SMIM22: variants seen among roughly 807,000 people sequenced by gnomAD.
SMIM22 encodes the protein small integral membrane protein 22.
Under a neutral mutation model 8.4 loss-of-function variants are expected in SMIM22, and 16 were observed. The ratio of observed to expected loss-of-function variants is 1.90; its 90% CI spans 1.29 to 2.89. The LOEUF (loss-of-function observed/expected upper bound fraction) is 2.89. Ranked by LOEUF, SMIM22 falls within the 30% of genes most tolerant of loss-of-function variation. The pLI is 0.00. For synonymous variants in SMIM22, 67 were observed against 47.6 expected, an observed-to-expected ratio of 1.41 and a Z score of -1.68; for missense variants, 159 against 107.5, an observed-to-expected ratio of 1.48 and a Z score of -2.12.
Position 4,795,769 on chromosome 16 carries a change from T to C in SMIM22, c.35T>C (p.Val12Ala), listed in dbSNP as rs1402108069. The change falls in exon 2 of 4, where the codon GTT becomes GCT. Residue 12 changes from valine to alanine, a missense_variant. Coordinates refer to ENST00000586005, the MANE Select transcript of SMIM22 (RefSeq NM_001253794.2). ...TCCACAGAGGAGCTGGAGGCCACGG[T>C]TCAGGAAGTCCTGGGGAGACTGAAG... Reference protein sequence around the residue: ...AVSTEELEATVQEVLGRLKSH... With the variant: ...AVSTEELEATAQEVLGRLKSH... The C allele has an allele frequency of 6.5e-7, 1 of 1,535,910 alleles. No homozygotes were observed. Among genetic ancestry groups the C allele is most frequent in the Admixed American group, 2.0e-5 (1 of 50,972 alleles).
At chr16:4,790,921 G>T (rs879356939), upstream of SMIM22, among the ~76,000 whole-genome samples, 1 of 152,248 alleles carries the variant, frequency 6.6e-6, no homozygotes, top group Non-Finnish European at 1.5e-5. Flanking sequence ...GTTGTCCAAG[G>T]TGAAATCTTG....
chr16:4,793,346 T>G (rs371735229), upstream of SMIM22, among the ~76,000 whole-genome samples: 1 of 152,170 alleles, frequency 6.6e-6, no homozygotes, highest in African/African-American at 2.4e-5. Flanking sequence ...TTTGTGTTGT[T>G]TGAAGCCACA....
intron 1 of SMIM22, 76 bp from the exon 2 acceptor site, chr16:4,795,639 G>C: frequency 6.8e-7 from 1 of 1,475,966 alleles, no homozygotes; most frequent in South Asian, 1.3e-5. Context: ...CAGTGGCTGG[G>C]CTGTGGGAAG....
upstream of SMIM22, among the ~76,000 whole-genome samples, chr16:4,792,946 C>T (rs1447111831): frequency 6.6e-6 from 1 of 151,324 alleles, no homozygotes; most frequent in Middle Eastern, 3.2e-3. Context: ...CCAGTCTCTA[C>T]TAAAATACAA....
upstream of SMIM22, among the ~76,000 whole-genome samples, chr16:4,793,822 G>A (rs539694966): frequency 1.3e-5 from 2 of 152,112 alleles, no homozygotes; most frequent in Non-Finnish European, 2.9e-5. Context: ...TGTCACCCAC[G>A]CTAGAGTGCA....
upstream of SMIM22, among the ~76,000 whole-genome samples, chr16:4,794,715 C>T (rs1372724737): frequency 6.6e-6 from 1 of 152,142 alleles, no homozygotes; most frequent in Non-Finnish European, 1.5e-5. Flanking sequence ...CCACTGCGCC[C>T]GGCCCAATTT....
chr16:4,791,120 C>G (rs77764288), upstream of SMIM22, among the ~76,000 whole-genome samples: 47 of 152,306 alleles, frequency 3.1e-4, no homozygotes, highest in Non-Finnish European at 6.2e-4. Flanking sequence ...AACACTTTCT[C>G]CAGGAAAATC....
At chr16:4,795,481 G>T (rs923452484) in intron 1 of SMIM22, 32 bp downstream of exon 1, 5 of 537,666 alleles carry the variant, frequency 9.3e-6, no homozygotes, top group South Asian at 4.4e-5. Flanking sequence ...GGGCTGCCAG[G>T]GGGAGAGAGA....
At chr16:4,793,753 C>T (rs531054177), upstream of SMIM22, among the ~76,000 whole-genome samples, 12 of 151,982 alleles carry the variant, frequency 7.9e-5, no homozygotes, top group South Asian at 2.5e-3. Context: ...ATTTACCTAG[C>T]ATACATTATA....
At position 4,796,338 on chromosome 16, in the gene SMIM22, G is replaced by A. The variant is rs1004080023; in HGVS notation, c.*107G>A. On this transcript the variant is annotated 3_prime_UTR_variant, in exon 4 of 4. Transcript: ENST00000586005. ...CTGGGTGGGTGACGCGGGACTCGCC[G>A]CCCCACTCAGGTGGCCACCTGGCCT... The A allele has an allele frequency of 3.8e-4, 512 of 1,343,086 alleles. No homozygotes were observed. The highest frequency in any genetic ancestry group is 4.6e-4 in the Non-Finnish European group (453 of 991,936). 83.2% of individuals were successfully genotyped at this position (1,343,086 alleles called of 1,614,324 possible). A position where few individuals can be genotyped will look rare whatever the true frequency, so the allele number is the denominator to read the frequency against.
At chr16:4,789,877 CTTTCT>C (rs1225150809) in intron 2 of SMIM22, 1 of 151,742 alleles carries the variant, frequency 6.6e-6, no homozygotes, top group Non-Finnish European at 1.5e-5. Flanking sequence ...AATGTTTTCT[CTTTCT>C]TTTTTCTTTC....
chr16:4,789,860 A>C (rs936220600), intron 2 of SMIM22: 1 of 150,824 alleles, frequency 6.6e-6, no homozygotes, highest in Non-Finnish European at 1.5e-5. Flanking sequence ...TGTCCTTGCT[A>C]TTGGCAAATG....
chr16:4,790,105 G>C (rs139740556), intron 2 of SMIM22: 1 of 151,778 alleles, frequency 6.6e-6, no homozygotes, highest in Admixed American at 6.6e-5. Flanking sequence ...GTAGAGATGA[G>C]GTCTCCCTAT....
At chr16:4,795,637 G>A in intron 1 of SMIM22, 78 bp from the exon 2 acceptor site, 2 of 1,471,098 alleles carry the variant, frequency 1.4e-6, no homozygotes, top group Non-Finnish European at 9.0e-7. Context: ...GGCAGTGGCT[G>A]GGCTGTGGGA....
upstream of SMIM22, among the ~76,000 whole-genome samples, chr16:4,792,380 C>CG (rs1291252115): frequency 2.0e-5 from 3 of 151,018 alleles, no homozygotes; most frequent in Non-Finnish European, 4.4e-5. Flanking sequence ...TTAGTAGAGA[C>CG]GGGGTTTCAC....
chr16:4,791,703 T>G (rs1332406817), upstream of SMIM22, among the ~76,000 whole-genome samples: 2 of 152,160 alleles, frequency 1.3e-5, no homozygotes, highest in African/African-American at 4.8e-5. Context: ...TTTTTTGTTT[T>G]CTGAGACACA....
intron 2 of SMIM22, among the ~76,000 whole-genome samples, chr16:4,789,196 G>A (rs2082509002): frequency 6.6e-6 from 1 of 152,082 alleles, no homozygotes; most frequent in Non-Finnish European, 1.5e-5. Flanking sequence ...ATTTTTAGTA[G>A]AGAAGGGGTT....
At chr16:4,789,913 CT>C (rs200769927) in intron 2 of SMIM22, 12,486 of 144,226 alleles carry the variant, frequency 0.087, 569 homozygotes, top group East Asian at 0.25. Flanking sequence ...TCTTTTCTTT[CT>C]TTTTTTTTTT....
At chr16:4,792,347 C>T (rs1411698783), upstream of SMIM22, among the ~76,000 whole-genome samples, 8 of 151,846 alleles carry the variant, frequency 5.3e-5, no homozygotes, top group Admixed American at 2.0e-4. Flanking sequence ...CCCGCCACCA[C>T]GCCCGGCTAA....
Sources: gnomAD v4.1 joint callset for allele counts (sites outside exome capture counted in the v4.1 genomes callset) on GRCh38, gnomAD v4.1.1 for gene constraint, MANE v1.5 for transcripts, NCBI Gene and HGNC (gene_info 2026-07-23, HGNC 2026-07-21) for gene names.